Variants in LYPLAL1 observed in about 807,000 individuals in gnomAD.
LYPLAL1 encodes lysophospholipase like 1.
In LYPLAL1, 23 loss-of-function variants were observed where a neutral mutation model predicts 19.7. That is an observed-to-expected ratio of 1.17 (90% CI 0.84 to 1.65). The LOEUF (loss-of-function observed/expected upper bound fraction) is 1.65, where lower values mean the gene tolerates loss of function less well. Among genes scored for constraint, LYPLAL1 ranks in the 40% most tolerant of loss-of-function variants. LYPLAL1 has a pLI of 0.00. For missense variants in LYPLAL1, 355 were observed against 279.4 expected (o/e 1.27, Z -1.93); for synonymous variants, 119 against 96.3 (o/e 1.24, Z -1.38).
the LYPLAL1 span, among the ~76,000 whole-genome samples, chr1:219,386,822 A>G: frequency 8.5e-5 from 13 of 152,274 alleles, no homozygotes; most frequent in African/African-American, 2.6e-4. Context: ...CCTTCTTGGG[A>G]CGCATAATCA....
the LYPLAL1 span, among the ~76,000 whole-genome samples, chr1:219,263,457 C>T: frequency 4.7e-3 from 713 of 152,266 alleles, 8 homozygotes; most frequent in African/African-American, 0.016. Flanking sequence ...AGGTCTCATG[C>T]CTCTCCACCT....
the LYPLAL1 span, among the ~76,000 whole-genome samples, chr1:219,393,339 C>T: frequency 6.6e-6 from 1 of 152,142 alleles, no homozygotes; most frequent in African/African-American, 2.4e-5. Flanking sequence ...TCAGATCCTC[C>T]AGGCATTATC....
chr1:219,272,838 A>G, the LYPLAL1 span: 27 of 152,268 alleles, frequency 1.8e-4, no homozygotes, highest in African/African-American at 6.3e-4. Context: ...CAGCAGAAAA[A>G]AAAAAGAAAA....
At chr1:219,388,197 G>C in the LYPLAL1 span, among the ~76,000 whole-genome samples, 1 of 152,132 alleles carries the variant, frequency 6.6e-6, no homozygotes, top group Non-Finnish European at 1.5e-5. Flanking sequence ...AATATTTGTT[G>C]AGTGAAAAAA....
chr1:219,269,781 T>G, the LYPLAL1 span, among the ~76,000 whole-genome samples: 1 of 152,200 alleles, frequency 6.6e-6, no homozygotes, highest in Non-Finnish European at 1.5e-5. Context: ...AAATCATAAT[T>G]ATAAACATAT....
At chr1:219,266,010 A>C in the LYPLAL1 span, among the ~76,000 whole-genome samples, 22 of 152,232 alleles carry the variant, frequency 1.4e-4, no homozygotes, top group African/African-American at 5.3e-4. Flanking sequence ...AAAAGCCTAG[A>C]ACATTACTGT....
At chr1:219,348,901 G>A in the LYPLAL1 span, among the ~76,000 whole-genome samples, 2 of 152,134 alleles carry the variant, frequency 1.3e-5, no homozygotes, top group Non-Finnish European at 2.9e-5. Context: ...ACATATCTTG[G>A]TGATGGAGTA....
the LYPLAL1 span, among the ~76,000 whole-genome samples, chr1:219,253,501 A>G: frequency 6.6e-6 from 1 of 151,924 alleles, no homozygotes; most frequent in East Asian, 1.9e-4. Context: ...TTTTCAAAGA[A>G]CTTCTTGATT....
At chr1:219,289,333 G>A in the LYPLAL1 span, among the ~76,000 whole-genome samples, 1 of 152,132 alleles carries the variant, frequency 6.6e-6, no homozygotes, top group Non-Finnish European at 1.5e-5. Flanking sequence ...ATGAGGGGAT[G>A]CATGTGAAAT....
At chr1:219,205,288 C>T (rs1339528523) in intron 3 of LYPLAL1, among the ~76,000 whole-genome samples, 4 of 144,618 alleles carry the variant, frequency 2.8e-5, no homozygotes, top group East Asian at 2.1e-4. Context: ...ACCCGGGAAG[C>T]GGAGCTTGCA....
rs1261897080 is a variant in LYPLAL1 at position 219,193,180 on chromosome 1, T to C, written c.290T>C (p.Met97Thr). 6.2e-6 allele frequency: 10 copies of C among 1,610,502 alleles called. No homozygotes were observed. The highest frequency in any genetic ancestry group is 1.3e-5 in the African/African-American group (1 of 74,698). The stretch of plus-strand genomic sequence containing the variant: ...GAACACCTTGAATCAATTGATGTCA[T>C]GTGTCAAGTGCTTACTGATTTGATT... ...CPEHLESIDV[M>T]CQVLTDLIDE... Residue 97 changes from methionine to threonine, a missense_variant, in exon 3 of 5, where the codon ATG becomes ACG. Transcript: ENST00000366928.
chr1:219,258,048 A>G, the LYPLAL1 span, among the ~76,000 whole-genome samples: 2 of 152,022 alleles, frequency 1.3e-5, no homozygotes, highest in Non-Finnish European at 2.9e-5. Flanking sequence ...GCTCTCTGCA[A>G]GGAGAAAAAT....
chr1:219,241,128 CTCTCTCTATA>C, the LYPLAL1 span, among the ~76,000 whole-genome samples: 3,764 of 81,064 alleles, frequency 0.046, 77 homozygotes, highest in Middle Eastern at 0.097. Context: ...CTCTCTCTCT[CTCTCTCTATA>C]TATATATATA....
chr1:219,247,517 C>G, the LYPLAL1 span, among the ~76,000 whole-genome samples: 1 of 152,156 alleles, frequency 6.6e-6, no homozygotes, highest in African/African-American at 2.4e-5. Flanking sequence ...AGCTCTTTCC[C>G]TTATGATCCA....
At chr1:219,376,314 C>T in the LYPLAL1 span, among the ~76,000 whole-genome samples, 1 of 152,092 alleles carries the variant, frequency 6.6e-6, no homozygotes, top group Non-Finnish European at 1.5e-5. Context: ...CTTTATCTTA[C>T]ATCATACACA....
At chr1:219,179,103 A>G (rs1396543546) in intron 1 of LYPLAL1, 44 bp from the exon 2 acceptor site, 6 of 1,356,976 alleles carry the variant, frequency 4.4e-6, no homozygotes, top group South Asian at 1.3e-5. Context: ...AATGCATTGT[A>G]TTACTAAAAT....
the LYPLAL1 span, among the ~76,000 whole-genome samples, chr1:219,384,787 C>T: frequency 1.3e-5 from 2 of 152,076 alleles, no homozygotes; most frequent in African/African-American, 4.8e-5. Flanking sequence ...AGCAGCATTC[C>T]TAAATAACCT....
At chr1:219,317,647 A>C in the LYPLAL1 span, among the ~76,000 whole-genome samples, 1 of 152,204 alleles carries the variant, frequency 6.6e-6, no homozygotes. Flanking sequence ...AAAATAAATA[A>C]ATAAGCTACT....
chr1:219,315,816 G>T, the LYPLAL1 span, among the ~76,000 whole-genome samples: 1 of 152,260 alleles, frequency 6.6e-6, no homozygotes, highest in Non-Finnish European at 1.5e-5. Context: ...ACATTTAAAA[G>T]TTAGGGTGTT....
Sources: allele counts gnomAD v4.1 joint callset (sites outside exome capture counted in the v4.1 genomes callset), GRCh38; gene constraint gnomAD v4.1.1; transcripts MANE v1.5; gene names NCBI Gene and HGNC (gene_info 2026-07-23, HGNC 2026-07-21).